Variants in SRBD1 observed in about 807,000 individuals in gnomAD.
The protein encoded by SRBD1 is S1 RNA-binding domain-containing protein 1.
SRBD1 carries 88 observed loss-of-function variants against 115.3 expected under a neutral mutation model. That is an observed-to-expected ratio of 0.76 (90% confidence interval 0.64 to 0.91). The LOEUF is 0.91. Among genes scored for constraint, SRBD1 ranks in the 40% least tolerant of loss-of-function variants. SRBD1 has a pLI of 0.00. For synonymous variants in SRBD1, 509 were observed against 407.7 expected, an observed-to-expected ratio of 1.25 and a Z score of -2.99; for missense variants, 1,385 against 1,177.4, an observed-to-expected ratio of 1.18 and a Z score of -2.58.
chr2:45,546,233 T>C (rs1672115118), intron 14 of SRBD1: 1 of 985,420 alleles, frequency 1.0e-6, no homozygotes, highest in Non-Finnish European at 1.2e-6. Flanking sequence ...AAGTTATCTG[T>C]ATGCCTATAT....
intron 4 of SRBD1, among the ~76,000 whole-genome samples, chr2:45,598,430 C>T (rs56234861): frequency 0.32 from 48,187 of 151,584 alleles, 9,853 homozygotes; most frequent in Non-Finnish European, 0.46. Context: ...CTGGCTAACA[C>T]GGTGAAACCC....
At chr2:45,607,791 G>A (rs1674319323) in intron 1 of SRBD1, among the ~76,000 whole-genome samples, 1 of 152,188 alleles carries the variant, frequency 6.6e-6, no homozygotes, top group South Asian at 2.1e-4. Context: ...TTATTCTCTG[G>A]AGAAGGTATT....
chr2:45,555,872 T>C (rs1021561906), intron 10 of SRBD1, among the ~76,000 whole-genome samples: 3 of 152,154 alleles, frequency 2.0e-5, no homozygotes, highest in Non-Finnish European at 2.9e-5. Context: ...ATAAACCTGT[T>C]GGTCCTATGA....
rs71394840 is a variant in SRBD1, at chr2:45,521,286, A to AACACACACACAC, written c.1874+25434_1874+25445dup. Among the ~76,000 whole-genome samples, 280 of 146,424 alleles carry AACACACACACAC rather than the reference A, an allele frequency of 1.9e-3. 3 individuals are homozygous for AACACACACACAC. In the South Asian group the frequency reaches 0.029, roughly 15 times the overall value. On this transcript the variant is annotated intron_variant, in intron 14 of 20. Coordinates refer to ENST00000263736, the MANE Select transcript of SRBD1 (RefSeq NM_018079.5). ...CCTACAACTCAACAACAAAAAGGAA[A>AACACACACACAC]ACACACACACACACACACACACACA...
intron 16 of SRBD1, among the ~76,000 whole-genome samples, chr2:45,474,564 T>TA (rs1553337947): frequency 6.6e-6 from 1 of 152,214 alleles, no homozygotes; most frequent in Non-Finnish European, 1.5e-5. Flanking sequence ...AGGAGGTCAG[T>TA]ACAGGCCTAG....
In SRBD1 at chr2:45,594,907, T is replaced by C. The variant is rs1156936728; in HGVS notation, c.648+4542A>G. Among the ~76,000 whole-genome samples, 4 of 152,242 alleles carry C rather than the reference T, an allele frequency of 2.6e-5. No individual in the cohort carries two copies. In the East Asian group the frequency reaches 5.8e-4, roughly 22 times the overall value. ...AAAGTTCCCTCTACTTTAATCCTTATACAAAAAGACTGAAGTAACTTCATT... is the reference window on the plus strand; with the variant it reads ...AAAGTTCCCTCTACTTTAATCCTTACACAAAAAGACTGAAGTAACTTCATT... On this transcript the variant is annotated intron_variant, in intron 4 of 20. Transcript: ENST00000263736.
At chr2:45,479,142 C>T (rs1669887511) in intron 15 of SRBD1, among the ~76,000 whole-genome samples, 1 of 152,148 alleles carries the variant, frequency 6.6e-6, no homozygotes, top group Non-Finnish European at 1.5e-5. Context: ...GACTGCTCCA[C>T]CAACTGGCTA....
intron 19 of SRBD1, among the ~76,000 whole-genome samples, chr2:45,399,140 T>G (rs1324137861): frequency 6.6e-6 from 1 of 152,108 alleles, no homozygotes. Flanking sequence ...TGAGTATGGT[T>G]GTTTCACACA....
chr2:45,583,086 G>GT (rs1673415478), intron 5 of SRBD1, among the ~76,000 whole-genome samples: 2 of 151,970 alleles, frequency 1.3e-5, no homozygotes, highest in African/African-American at 4.8e-5. Context: ...TCATCCTATT[G>GT]TATTACCTCC....
chr2:45,446,739 A>C (rs1357114798), intron 16 of SRBD1, among the ~76,000 whole-genome samples: 4 of 151,970 alleles, frequency 2.6e-5, no homozygotes, highest in Admixed American at 1.3e-4. Flanking sequence ...AAAAACAAAA[A>C]CACCCCAAAC....
chr2:45,459,550 T>C (rs527309972), intron 16 of SRBD1, among the ~76,000 whole-genome samples: 86 of 152,302 alleles, frequency 5.6e-4, no homozygotes, highest in African/African-American at 1.9e-3. Context: ...GGTTAGCATA[T>C]GAATAAACAA....
chr2:45,607,642 A>G (rs963004142), intron 1 of SRBD1, among the ~76,000 whole-genome samples: 5 of 152,168 alleles, frequency 3.3e-5, no homozygotes, highest in African/African-American at 9.7e-5. Flanking sequence ...AAAAAAATTC[A>G]TATGAAGCAG....
intron 15 of SRBD1, among the ~76,000 whole-genome samples, chr2:45,486,125 G>C (rs991064148): frequency 4.6e-5 from 7 of 152,086 alleles, no homozygotes; most frequent in Admixed American, 3.9e-4. Flanking sequence ...AATCTTGTTG[G>C]AATGTTGTAA....
At chr2:45,553,283 T>C (rs1672361399) in intron 11 of SRBD1, among the ~76,000 whole-genome samples, 1 of 152,326 alleles carries the variant, frequency 6.6e-6, no homozygotes, top group Non-Finnish European at 1.5e-5. Flanking sequence ...AACAAAGTAA[T>C]TGATTCATCA....
At chr2:45,451,215 T>G (rs917075207) in intron 16 of SRBD1, among the ~76,000 whole-genome samples, 2 of 152,108 alleles carry the variant, frequency 1.3e-5, no homozygotes, top group African/African-American at 4.8e-5. Flanking sequence ...TTTTTTTTAA[T>G]TGCACTTGAA....
intron 14 of SRBD1, among the ~76,000 whole-genome samples, chr2:45,539,792 T>C (rs1253684833): frequency 6.6e-6 from 1 of 151,638 alleles, no homozygotes; most frequent in East Asian, 1.9e-4. Flanking sequence ...CCCACAAAGT[T>C]CCACCAAAAT....
chr2:45,564,829 AT>A (rs1179139541), intron 9 of SRBD1, among the ~76,000 whole-genome samples: 4 of 152,166 alleles, frequency 2.6e-5, no homozygotes, highest in African/African-American at 9.7e-5. Context: ...AGGAGAGCTG[AT>A]TTTTCATATA....
At chr2:45,580,157 C>T (rs1673305039) in intron 6 of SRBD1, 144 bp from the exon 7 acceptor site, 1 of 662,188 alleles carries the variant, frequency 1.5e-6, no homozygotes, top group Non-Finnish European at 2.3e-6. Context: ...TGAATTAAAA[C>T]TAATTTGAAA....
At chr2:45,605,473 C>A in intron 1 of SRBD1, 32 bp from the exon 2 acceptor site, 3 of 1,576,270 alleles carry the variant, frequency 1.9e-6, no homozygotes, top group Admixed American at 1.7e-5. Flanking sequence ...ATCAGCAACA[C>A]TTGAATATTC....
Sources: gnomAD v4.1 joint callset for allele counts (sites outside exome capture counted in the v4.1 genomes callset) on GRCh38, gnomAD v4.1.1 for gene constraint, MANE v1.5 for transcripts, NCBI Gene and HGNC (gene_info 2026-07-23, HGNC 2026-07-21) for gene names.